The following LRIG3 variants were observed in gnomAD, a reference collection of about 807,000 sequenced individuals.
LRIG3 encodes leucine-rich repeats and immunoglobulin-like domains protein 3.
LRIG3 carries 76 observed loss-of-function variants against 114.5 expected under a neutral mutation model. The observed-to-expected ratio is 0.66, with a 90% CI of 0.55 to 0.80. The LOEUF is 0.80. LRIG3 is among the 30% of genes least tolerant of loss of function. The probability of loss-of-function intolerance (pLI) is 0.00; values close to 1 mark genes in which losing one functional copy is unlikely to be tolerated. For missense variants in LRIG3, 1,239 were observed against 1,382.8 expected (o/e 0.90, Z 1.65); for synonymous variants, 512 against 519.8 (o/e 0.98, Z 0.20).
At chr12:58,885,943 C>T (rs1005257172) in intron 9 of LRIG3, 41 bp from the exon 10 acceptor site, 1 of 1,402,412 alleles carries the variant, frequency 7.1e-7, no homozygotes, top group Non-Finnish European at 9.8e-7. Context: ...ATTTAAAAAG[C>T]CATTTTGGGG....
intron 15 of LRIG3, among the ~76,000 whole-genome samples, chr12:58,877,175 C>T (rs1405174232): frequency 6.6e-6 from 1 of 152,212 alleles, no homozygotes; most frequent in Non-Finnish European, 1.5e-5. Flanking sequence ...TTTTATCTCA[C>T]AGCCACAGGA....
intron 3 of LRIG3, among the ~76,000 whole-genome samples, chr12:58,905,530 C>T (rs917937006): frequency 6.6e-6 from 1 of 152,196 alleles, no homozygotes; most frequent in African/African-American, 2.4e-5. Flanking sequence ...CTGCAGTCCC[C>T]TGCTGTGGTT....
Position 58,888,219 on chromosome 12 carries a change from T to C in LRIG3, c.947+110A>G, listed in dbSNP as rs1871339578. 1.4e-5 allele frequency: 19 copies of C among 1,333,272 alleles called. No homozygotes were observed. The East Asian group carries it at 4.2e-4, about 30-fold the overall frequency. The allele number at this position is 1,333,272 out of a possible 1,614,324, so 82.6% of individuals were successfully genotyped here. ...ACTAGGTTGCATGTGAAAAAAGCTGTCACCTTGGAAACTTTGTTATGAAAA... is the reference window on the plus strand; with the variant it reads ...ACTAGGTTGCATGTGAAAAAAGCTGCCACCTTGGAAACTTTGTTATGAAAA... On this transcript the variant is annotated intron_variant, in intron 7 of 18. Coordinates refer to ENST00000320743, the MANE Select transcript of LRIG3 (RefSeq NM_153377.5).
chr12:58,903,144 A>C (rs1453344358), intron 3 of LRIG3, among the ~76,000 whole-genome samples: 1 of 152,206 alleles, frequency 6.6e-6, no homozygotes, highest in Non-Finnish European at 1.5e-5. Flanking sequence ...AGGAATGGCC[A>C]CACTGACTTC....
intron 12 of LRIG3, among the ~76,000 whole-genome samples, chr12:58,881,327 A>C (rs186013216): frequency 6.6e-6 from 1 of 152,250 alleles, no homozygotes; most frequent in African/African-American, 2.4e-5. Flanking sequence ...TTAGGAAATC[A>C]AACATCAATC....
intron 3 of LRIG3, among the ~76,000 whole-genome samples, chr12:58,894,669 G>A (rs191455346): frequency 1.2e-3 from 179 of 152,288 alleles, no homozygotes; most frequent in Middle Eastern, 3.4e-3. Context: ...AAAAAGCGCT[G>A]TAGTTAATTA....
rs530104121 is a variant in LRIG3 at position 58,886,007 on chromosome 12, T to G, written c.1173-105A>C. 8.1e-5 allele frequency: 43 copies of G among 530,142 alleles called. No individual in the cohort carries two copies. The South Asian group carries it at 1.0e-3, about 12-fold the overall frequency. 32.8% of individuals were successfully genotyped at this position (530,142 alleles called of 1,614,324 possible). A position where few individuals can be genotyped will look rare whatever the true frequency, so the allele number is the denominator to read the frequency against. On this transcript the variant is annotated intron_variant, in intron 9 of 18. Coordinates refer to ENST00000320743, the MANE Select transcript of LRIG3 (RefSeq NM_153377.5). ...TAAATTATGTGTGAGCAATTCCATT[T>G]TCTTCAATTAAACAATATATCCTGT... is the stretch of plus-strand genomic sequence containing the variant.
At chr12:58,886,553 AT>A (rs1467602539) in intron 9 of LRIG3, among the ~76,000 whole-genome samples, 1 of 152,136 alleles carries the variant, frequency 6.6e-6, no homozygotes, top group Non-Finnish European at 1.5e-5. Flanking sequence ...CTCAACATAG[AT>A]GAAAATTATT....
intron 18 of LRIG3, among the ~76,000 whole-genome samples, chr12:58,873,202 A>C (rs11835001): frequency 0.024 from 3,679 of 152,222 alleles, 63 homozygotes; most frequent in South Asian, 0.066. Context: ...TAAATAAAGA[A>C]ATTTTCTTTC....
chr12:58,909,833 G>A (rs1276891509), intron 3 of LRIG3, among the ~76,000 whole-genome samples: 1 of 152,212 alleles, frequency 6.6e-6, no homozygotes, highest in Non-Finnish European at 1.5e-5. Flanking sequence ...TGACTTCACT[G>A]AAGAACAGGC....
At chr12:58,880,280 A>G in intron 13 of LRIG3, 1 of 436,632 alleles carries the variant, frequency 2.3e-6, no homozygotes, top group South Asian at 1.9e-5. Flanking sequence ...GCCTTGGGTG[A>G]CAGTGCAAGA....
chr12:58,876,657 C>G, intron 15 of LRIG3, 54 bp from the exon 16 acceptor site: 2 of 1,593,840 alleles, frequency 1.3e-6, no homozygotes, highest in Non-Finnish European at 1.7e-6. Flanking sequence ...AATTGTCCCA[C>G]AGGCATCCCG....
chr12:58,919,609 C>A (rs774488264), intron 1 of LRIG3: 3 of 1,509,058 alleles, frequency 2.0e-6, no homozygotes, highest in East Asian at 2.5e-5. Flanking sequence ...AGACTCATAA[C>A]TCAGCGAGAA....
chr12:58,879,020 G>A lies in LRIG3; in HGVS notation c.1887C>T (p.His629=). 6.2e-7 allele frequency: 1 copy of A among 1,614,182 alleles called. No individual in the cohort carries two copies. Among genetic ancestry groups the A allele is most frequent in the East Asian group, 2.2e-5 (1 of 44,874 alleles). The change falls in exon 14 of 19, where the codon CAC becomes CAT. Residue 629 remains histidine, a synonymous_variant. Transcript: ENST00000320743. ...MARLECAAVG[H]PAPQIAWQKD... ...TCTGCCAGGCTATCTGGGGGGCTGG[G>A]TGCCCCACAGCAGCACACTCCAAGC...
At chr12:58,879,463 A>AT (rs147917466) in intron 13 of LRIG3, among the ~76,000 whole-genome samples, 19 of 149,590 alleles carry the variant, frequency 1.3e-4, no homozygotes, top group East Asian at 3.9e-4. Context: ...CACTTCATCT[A>AT]TTTTTTTTTT....
intron 7 of LRIG3, 125 bp downstream of exon 7, chr12:58,888,204 A>C: frequency 8.6e-7 from 1 of 1,164,060 alleles, no homozygotes. Context: ...ACTAGGTTGC[A>C]TGTGAAAAAA....
intron 1 of LRIG3, among the ~76,000 whole-genome samples, chr12:58,917,706 T>C (rs541637634): frequency 1.2e-4 from 18 of 152,248 alleles, no homozygotes; most frequent in South Asian, 2.1e-4. Context: ...AAACAAAAGA[T>C]AGACACTGAA....
intron 3 of LRIG3, among the ~76,000 whole-genome samples, chr12:58,912,364 C>T (rs963184848): frequency 5.3e-5 from 8 of 152,048 alleles, no homozygotes; most frequent in Non-Finnish European, 8.8e-5. Flanking sequence ...GGCGTAGTGG[C>T]GGACGCCTGT....
At chr12:58,901,149 C>A (rs1417683539) in intron 3 of LRIG3, among the ~76,000 whole-genome samples, 1 of 152,188 alleles carries the variant, frequency 6.6e-6, no homozygotes, top group Non-Finnish European at 1.5e-5. Context: ...GAATTTTAAT[C>A]AAGCATTTTT....
Sources: gnomAD v4.1 joint callset for allele counts (sites outside exome capture counted in the v4.1 genomes callset) on GRCh38, gnomAD v4.1.1 for gene constraint, MANE v1.5 for transcripts, NCBI Gene and HGNC (gene_info 2026-07-23, HGNC 2026-07-21) for gene names.